The following LRRFIP1 variants were observed in gnomAD, a reference collection of about 807,000 sequenced individuals.
LRRFIP1 encodes LRR binding FLII interacting protein 1.
A neutral mutation model predicts 104.4 loss-of-function variants in LRRFIP1; 62 were observed. The observed-to-expected ratio is 0.59, with a 90% CI of 0.48 to 0.73. The LOEUF (loss-of-function observed/expected upper bound fraction) is 0.73, where lower values mean the gene tolerates loss of function less well. Ranked by LOEUF, LRRFIP1 falls within the 30% of genes least tolerant of loss-of-function variation. The probability of loss-of-function intolerance (pLI) is 0.00; values close to 1 mark genes in which losing one functional copy is unlikely to be tolerated. For missense variants in LRRFIP1, 796 were observed against 824.5 expected (o/e 0.97, Z 0.42); for synonymous variants, 300 against 299.0 (o/e 1.00, Z -0.03).
At chr2:237,763,858 T>C in intron 19 of LRRFIP1, 1 of 1,614,236 alleles carries the variant, frequency 6.2e-7, no homozygotes, top group East Asian at 2.2e-5. Context: ...AAAGCAGTCC[T>C]GCAGAACCAA....
chr2:237,719,372 A>G, intron 4 of LRRFIP1, 151 bp from the exon 5 acceptor site: 1 of 579,160 alleles, frequency 1.7e-6, no homozygotes. Flanking sequence ...GGTTTAATTA[A>G]AGCCTTTAAA....
chr2:237,768,971 A>G (rs12617354), intron 19 of LRRFIP1: 11,461 of 152,330 alleles, frequency 0.075, 466 homozygotes, highest in Middle Eastern at 0.14. Context: ...CAGCGGGTGC[A>G]GTGTTTAGGG....
At chr2:237,750,789 T>C (rs1260027236) in intron 13 of LRRFIP1, among the ~76,000 whole-genome samples, 1 of 152,152 alleles carries the variant, frequency 6.6e-6, no homozygotes, top group Non-Finnish European at 1.5e-5. Context: ...TTTGGCAAAG[T>C]AGAGACTTGG....
At chr2:237,645,343 C>T (rs2084703918) in intron 1 of LRRFIP1, among the ~76,000 whole-genome samples, 2 of 152,208 alleles carry the variant, frequency 1.3e-5, no homozygotes, top group African/African-American at 4.8e-5. Context: ...CAGCCCCGTG[C>T]CCCTGGCTGT....
intron 1 of LRRFIP1, among the ~76,000 whole-genome samples, chr2:237,635,757 C>G (rs912536731): frequency 2.0e-5 from 3 of 151,938 alleles, no homozygotes; most frequent in Non-Finnish European, 4.4e-5. Flanking sequence ...CCCAGGAGTT[C>G]AAGACCAGCC....
chr2:237,686,817 T>C (rs1172199778), intron 1 of LRRFIP1, among the ~76,000 whole-genome samples: 1 of 152,266 alleles, frequency 6.6e-6, no homozygotes, highest in Non-Finnish European at 1.5e-5. Context: ...CAGCTGGCCG[T>C]GGGGTACCAC....
At chr2:237,664,775 T>C (rs1311589675) in intron 1 of LRRFIP1, among the ~76,000 whole-genome samples, 1 of 152,228 alleles carries the variant, frequency 6.6e-6, no homozygotes, top group Non-Finnish European at 1.5e-5. Flanking sequence ...GAACATCCAC[T>C]GGCAATCATC....
chr2:237,779,471 AC>A lies in LRRFIP1; in HGVS notation c.1863del (p.Leu622Ter). 6.2e-7 allele frequency: 1 copy of A among 1,613,846 alleles called. No individual in the cohort carries two copies. Among genetic ancestry groups the A allele is most frequent in the Non-Finnish European group, 8.5e-7 (1 of 1,179,758 alleles). On this transcript the variant is annotated frameshift_variant, in exon 24 of 24. Coordinates refer to ENST00000308482, the MANE Select transcript of LRRFIP1 (RefSeq NM_001137550.2). LOFTEE classifies it high-confidence loss of function. The stretch of plus-strand genomic sequence containing the variant: ...GAAGAGCTCGAGGTGAGCAACGGCC[AC>A]TTAGTGAAGCGTCTGGAAAAAATGA... ...KTEELEVSNG[H>X]LVKRLEKMKA...
At chr2:237,695,481 A>G (rs967798027) in intron 1 of LRRFIP1, among the ~76,000 whole-genome samples, 5 of 152,376 alleles carry the variant, frequency 3.3e-5, no homozygotes, top group East Asian at 3.9e-4. Flanking sequence ...TCAAAAGGCA[A>G]TGTCCAAGAG....
At chr2:237,681,901 G>A (rs894555271) in intron 1 of LRRFIP1, among the ~76,000 whole-genome samples, 2 of 150,318 alleles carry the variant, frequency 1.3e-5, no homozygotes, top group Non-Finnish European at 3.0e-5. Context: ...GGATGGTCTC[G>A]ATCTCCTGAC....
Position 237,691,899 on chromosome 2 carries a change from G to T in LRRFIP1, c.97-16645G>T, listed in dbSNP as rs945814479. ...AGGACCAGGAAGATCCTTCCGAGAC[G>T]GAGCGCGGGGGGCGGGGCGGGGCTC... On this transcript the variant is annotated intron_variant, in intron 1 of 23. Transcript: ENST00000308482. The surrounding 1 kb of genome is among the most constrained non-coding windows in gnomAD (Gnocchi z 5.4). Among the ~76,000 whole-genome samples the T allele has an allele frequency of 6.6e-6, 1 of 151,510 alleles. No homozygotes were observed. Among genetic ancestry groups the T allele is most frequent in the African/African-American group, 2.4e-5 (1 of 41,218 alleles).
chr2:237,692,650 C>A, intron 1 of LRRFIP1: 1 of 1,247,788 alleles, frequency 8.0e-7, no homozygotes, highest in Non-Finnish European at 1.0e-6. Flanking sequence ...GGCGGGACCC[C>A]AGCGCGGTGG....
At chr2:237,685,113 C>A (rs371994385) in intron 1 of LRRFIP1, among the ~76,000 whole-genome samples, 1 of 150,008 alleles carries the variant, frequency 6.7e-6, no homozygotes, top group African/African-American at 2.5e-5. Flanking sequence ...TACCCTCCCC[C>A]CCCCACACAA....
intron 1 of LRRFIP1, among the ~76,000 whole-genome samples, chr2:237,671,481 A>G (rs74001244): frequency 0.041 from 6,233 of 152,304 alleles, 346 homozygotes; most frequent in African/African-American, 0.13. Context: ...AATCAGAGAT[A>G]AACCTATTGT....
chr2:237,657,879 T>C (rs1387710804), intron 1 of LRRFIP1, among the ~76,000 whole-genome samples: 1 of 152,164 alleles, frequency 6.6e-6, no homozygotes, highest in East Asian at 1.9e-4. Context: ...CCACAGCCCA[T>C]ATGAATTAAA....
rs1172576547 is a variant in LRRFIP1, at chr2:237,681,678, C to CTTT, written c.97-26849_97-26847dup. On this transcript the variant is annotated intron_variant, in intron 1 of 23. Transcript: ENST00000308482. ...CACCGTGCCCGGCCGCAGTCCTATTCTTTTTTTTTTTTTTTTTTTGAGACG... is the reference window on the plus strand; with the variant it reads ...CACCGTGCCCGGCCGCAGTCCTATTCTTTTTTTTTTTTTTTTTTTTTTGAGACG... Among the ~76,000 whole-genome samples, 103 of 44,898 alleles carry CTTT rather than the reference C, an allele frequency of 2.3e-3. 24 individuals are homozygous for CTTT. The highest frequency in any genetic ancestry group is 7.2e-3 in the African/African-American group (97 of 13,494). The allele number at this position is 44,898 out of a possible 152,430, so 29.5% of individuals were successfully genotyped here.
intron 1 of LRRFIP1, among the ~76,000 whole-genome samples, chr2:237,662,168 C>G (rs2088131053): frequency 6.6e-6 from 1 of 152,180 alleles, no homozygotes; most frequent in South Asian, 2.1e-4. Context: ...GGCTTGTAGA[C>G]ACATCACACC....
chr2:237,665,027 G>A (rs1039596444), intron 1 of LRRFIP1, among the ~76,000 whole-genome samples: 11 of 152,174 alleles, frequency 7.2e-5, no homozygotes, highest in Non-Finnish European at 1.5e-4. Flanking sequence ...TGACTCTGAA[G>A]AATTTGTAAG....
chr2:237,768,448 G>C (rs2060375792), intron 19 of LRRFIP1: 4 of 152,198 alleles, frequency 2.6e-5, no homozygotes, highest in Admixed American at 2.0e-4. Context: ...ACATTCTGGT[G>C]TATTCAGTGT....
Sources: gnomAD v4.1 joint callset for allele counts (sites outside exome capture counted in the v4.1 genomes callset) on GRCh38, gnomAD v4.1.1 for gene constraint, Gnocchi (gnomAD v3.1) non-coding constraint, MANE v1.5 for transcripts, NCBI Gene and HGNC (gene_info 2026-07-23, HGNC 2026-07-21) for gene names.